The following UBR4 variants were observed in gnomAD, a reference collection of about 807,000 sequenced individuals.
UBR4 encodes the protein ubiquitin protein ligase E3 component n-recognin 4.
Under a neutral mutation model 575.6 loss-of-function variants are expected in UBR4, and 124 were observed. That is an observed-to-expected ratio of 0.22 (90% CI 0.19 to 0.25). UBR4 has a LOEUF of 0.25. Among genes scored for constraint, UBR4 ranks in the 10% least tolerant of loss-of-function variants. The pLI is 1.00. For missense variants in UBR4, 4,818 were observed against 6,478.8 expected (o/e 0.74, Z 8.80); for synonymous variants, 2,455 against 2,473.7 (o/e 0.99, Z 0.22).
Position 19,139,223 on chromosome 1 carries a change from G to A in UBR4, c.8594-3C>T, listed in dbSNP as rs1253520205. The stretch of plus-strand genomic sequence containing the variant: ...GCCCTCGTCGTCTGAGGCTGGAGCT[G>A]AGAGAGTAACGAGAGCTGTTACAGG... On this transcript the variant is annotated splice_region_variant and splice_polypyrimidine_tract_variant and intron_variant, in intron 58 of 105. Coordinates refer to ENST00000375254, the MANE Select transcript of UBR4 (RefSeq NM_020765.3). The surrounding 1 kb of genome is among the most constrained non-coding windows in gnomAD (Gnocchi z 4.2). 2 of 1,603,512 alleles carry A rather than the reference G, an allele frequency of 1.2e-6. No individual in the cohort carries two copies. The highest frequency in any genetic ancestry group is 1.3e-5 in the African/African-American group (1 of 74,684).
In UBR4 at chr1:19,132,605, TAAA is replaced by T; in HGVS notation, c.8907-3534_8907-3532del. Among the ~76,000 whole-genome samples the T allele has an allele frequency of 2.5e-3, 61 of 24,094 alleles. No individual in the cohort carries two copies. In the East Asian group the frequency reaches 0.027, roughly 10 times the overall value. The allele number at this position is 24,094 out of a possible 152,430, so 15.8% of individuals were successfully genotyped here. On this transcript the variant is annotated intron_variant, in intron 60 of 105. Transcript: ENST00000375254. Reference sequence around the variant, plus strand: ...ACAACAAAAAAAAAGTAAAAAATGGTAAAAAAAAAAAAAAAAAAAAGTAAGTAA... The same window carrying T: ...ACAACAAAAAAAAAGTAAAAAATGGTAAAAAAAAAAAAAAAAAGTAAGTAA...
intron 25 of UBR4, 51 bp from the exon 26 acceptor site, chr1:19,170,934 G>A (rs2089444290): frequency 1.9e-6 from 3 of 1,612,872 alleles, no homozygotes; most frequent in Admixed American, 1.7e-5. Flanking sequence ...AATCCCACCA[G>A]TTAGGAAAAA....
At chr1:19,114,162 TC>T in intron 75 of UBR4, 92 bp from the exon 76 acceptor site, 1 of 1,504,524 alleles carries the variant, frequency 6.6e-7, no homozygotes, top group East Asian at 2.3e-5. Flanking sequence ...CCAGAACATT[TC>T]CTATAGGTCA....
intron 74 of UBR4, 84 bp from the exon 75 acceptor site, chr1:19,115,033 T>C: frequency 6.4e-7 from 1 of 1,568,620 alleles, no homozygotes; most frequent in Non-Finnish European, 8.7e-7. Context: ...TTGTGCCACA[T>C]TTATATACTC....
In UBR4 at chr1:19,110,029, C is replaced by T; in HGVS notation, c.12105+67G>A. 1 of 1,604,246 alleles carries T rather than the reference C, an allele frequency of 6.2e-7. No homozygotes were observed. Among genetic ancestry groups the T allele is most frequent in the Non-Finnish European group, 8.5e-7 (1 of 1,175,208 alleles). The stretch of plus-strand genomic sequence containing the variant: ...GCGGAGACCATGAGGAGGCAGGGCA[C>T]ACTGCCAGGGAATGAGGAGGGTGGC... On this transcript the variant is annotated intron_variant, in intron 81 of 105. Transcript: ENST00000375254. This position sits in a 1 kb window ranked among gnomAD's most constrained non-coding sequence, Gnocchi z 4.5.
chr1:19,124,811 G>A, intron 64 of UBR4, 121 bp from the exon 65 acceptor site: 1 of 1,313,222 alleles, frequency 7.6e-7, no homozygotes, highest in South Asian at 1.5e-5. Context: ...GCCTTTCAGA[G>A]CTGGAATCAA....
At chr1:19,149,287 C>T (rs2085315736) in intron 49 of UBR4, among the ~76,000 whole-genome samples, 1 of 152,166 alleles carries the variant, frequency 6.6e-6, no homozygotes, top group South Asian at 2.1e-4. Flanking sequence ...AAAAGAACAA[C>T]ATCCTGACAG....
At chr1:19,184,324 A>T in intron 15 of UBR4, 149 bp from the exon 16 acceptor site, 1 of 872,270 alleles carries the variant, frequency 1.1e-6, no homozygotes, top group Non-Finnish European at 1.7e-6. Flanking sequence ...AATCACTTAC[A>T]GTGGGCCTAA....
chr1:19,153,306 G>T lies in UBR4; in HGVS notation c.6827C>A (p.Thr2276Lys), dbSNP rs770552078. The T allele has an allele frequency of 6.2e-7, 1 of 1,614,188 alleles. No homozygotes were observed. The highest frequency in any genetic ancestry group is 8.5e-7 in the Non-Finnish European group (1 of 1,180,024). Reference protein sequence around the residue: ...MKPVRKRKTATITTRTSSQVT... With the variant: ...MKPVRKRKTAKITTRTSSQVT... ...CATCTGAGAAGGAGCCTTACTGATT[G>T]TAGCTGTTTTGCGCTTTCGAACAGG... The change falls in exon 46 of 106, where the codon ACA becomes AAA. Residue 2276 changes from threonine to lysine, a missense_variant. Around this residue, in one of 29 missense-constraint regions of UBR4, gnomAD observed 461 missense variants for 606.9 expected, o/e 0.76. Transcript: ENST00000375254. The surrounding 1 kb of genome is among the most constrained non-coding windows in gnomAD (Gnocchi z 4.1).
chr1:19,185,023 GCATT>G, intron 15 of UBR4, 72 bp downstream of exon 15: 4 of 1,559,410 alleles, frequency 2.6e-6, no homozygotes, highest in Non-Finnish European at 3.5e-6. Flanking sequence ...CAAAATGTTT[GCATT>G]CAAATTATCT....
At chr1:19,126,703 C>A (rs371184853) in intron 63 of UBR4, 48 bp from the exon 64 acceptor site, 1 of 1,594,248 alleles carries the variant, frequency 6.3e-7, no homozygotes, top group African/African-American at 1.3e-5. Context: ...CTTGTAAAAA[C>A]AATGTGAAAT....
chr1:19,124,590 C>T lies in UBR4; in HGVS notation c.9539G>A (p.Arg3180Gln), dbSNP rs1174221176. The change falls in exon 65 of 106, where the codon CGA (arginine) becomes CAA (glutamine). Residue 3180 changes from arginine (R) to glutamine (Q), a missense_variant. Transcript: ENST00000375254. Reference sequence around the variant, plus strand: ...GTGGTCAAAGACAGGAGGTGGGATTCGAGAATTGGTGTCAGTAATCTTTTT... The same window carrying T: ...GTGGTCAAAGACAGGAGGTGGGATTTGAGAATTGGTGTCAGTAATCTTTTT... Reference protein sequence around the residue: ...QIKKITDTNSRIPPPVFDHSW... With the variant: ...QIKKITDTNSQIPPPVFDHSW... 15 of 1,614,150 alleles carry T rather than the reference C, an allele frequency of 9.3e-6. No homozygotes were observed. The highest frequency in any genetic ancestry group is 1.1e-5 in the Non-Finnish European group (13 of 1,180,022).
chr1:19,120,980 A>T (rs2081110667), intron 68 of UBR4, among the ~76,000 whole-genome samples: 1 of 152,244 alleles, frequency 6.6e-6, no homozygotes, highest in Non-Finnish European at 1.5e-5. Context: ...TTTTCTTATT[A>T]CTGTCACTTG....
intron 11 of UBR4, among the ~76,000 whole-genome samples, chr1:19,187,857 A>T (rs1470238561): frequency 6.6e-6 from 1 of 151,950 alleles, no homozygotes. Flanking sequence ...TATGCCCAGC[A>T]ATTTTAGACC....
At chr1:19,086,630 C>A in intron 100 of UBR4, 49 bp downstream of exon 100, 1 of 1,604,078 alleles carries the variant, frequency 6.2e-7, no homozygotes, top group South Asian at 1.1e-5. Flanking sequence ...CGCTCCAGGC[C>A]CACAGGCAGG....
intron 25 of UBR4, 133 bp from the exon 26 acceptor site, chr1:19,171,016 C>T: frequency 1.6e-6 from 2 of 1,218,398 alleles, no homozygotes; most frequent in Non-Finnish European, 2.3e-6. Context: ...AGTGCCTGCC[C>T]CTTCCTGGTC....
At position 19,161,044 on chromosome 1, in the gene UBR4, C is replaced by T; in HGVS notation, c.5279G>A (p.Ser1760Asn). Reference sequence around the variant, plus strand: ...GGCTTTGTCAGCTGGCGAGGAGGTGCTGGCATGACGCACTAGACTCTCTGA... The same window carrying T: ...GGCTTTGTCAGCTGGCGAGGAGGTGTTGGCATGACGCACTAGACTCTCTGA... ...RISESLVRHASTSSPADKAKV... is the reference protein window; with the variant it reads ...RISESLVRHANTSSPADKAKV... The change falls in exon 38 of 106, where the codon AGC (serine) becomes AAC (asparagine). Residue 1760 changes from serine (S) to asparagine (N), a missense_variant. Ser to Asn is a conservative substitution (Grantham distance 46, BLOSUM62 1). Transcript: ENST00000375254. The T allele has an allele frequency of 6.2e-7, 1 of 1,614,158 alleles. No individual in the cohort carries two copies. The highest frequency in any genetic ancestry group is 8.5e-7 in the Non-Finnish European group (1 of 1,180,028).
rs1191733901 is a variant in UBR4 at position 19,129,029 on chromosome 1, G to A, written c.8952C>T (p.Thr2984=). The change falls in exon 61 of 106, where the codon ACC becomes ACT. Residue 2984 remains threonine (T), a synonymous_variant. Transcript: ENST00000375254. ...RLMLLERLLQ[T]LPQLRNVGGV... ...CGCCAACGTTTCGTAATTGAGGCAG[G>A]GTCTGCAGTAATCTCTCCAACAGCA... 2 of 1,613,984 alleles carry A rather than the reference G, an allele frequency of 1.2e-6. No individual in the cohort carries two copies. Among genetic ancestry groups the A allele is most frequent in the Non-Finnish European group, 8.5e-7 (1 of 1,179,978 alleles).
intron 78 of UBR4, chr1:19,112,203 CTTCTTTCATGTGA>C (rs1238410725): frequency 6.6e-6 from 2 of 304,478 alleles, no homozygotes; most frequent in African/African-American, 4.3e-5. Context: ...CACTGCTCTG[CTTCTTTCATGTGA>C]GTCTTTCTCG....
Sources: gnomAD v4.1 joint callset for allele counts (sites outside exome capture counted in the v4.1 genomes callset) on GRCh38, gnomAD v4.1.1 for gene constraint, gnomAD v4.1.1 regional missense constraint, Gnocchi (gnomAD v3.1) non-coding constraint, MANE v1.5 for transcripts, NCBI Gene and HGNC (gene_info 2026-07-23, HGNC 2026-07-21) for gene names.